The following ATXN7 variants were observed in gnomAD, a reference collection of about 807,000 sequenced individuals.
The protein encoded by ATXN7 is ataxin-7.
A neutral mutation model predicts 70.5 loss-of-function variants in ATXN7; 12 were observed. The observed-to-expected ratio is 0.17, with a 90% CI of 0.11 to 0.28. The LOEUF (loss-of-function observed/expected upper bound fraction) is 0.28, where lower values mean the gene tolerates loss of function less well. ATXN7 is among the 10% of genes least tolerant of loss of function. The probability of loss-of-function intolerance (pLI) is 1.00; values close to 1 mark genes in which losing one functional copy is unlikely to be tolerated. For missense variants in ATXN7, 1,256 were observed against 1,131.7 expected (o/e 1.11, Z -1.58); for synonymous variants, 498 against 448.7 (o/e 1.11, Z -1.39).
At chr3:63,971,967 T>C (rs2106726434) in intron 5 of ATXN7, among the ~76,000 whole-genome samples, 1 of 152,354 alleles carries the variant, frequency 6.6e-6, no homozygotes, top group East Asian at 1.9e-4. Flanking sequence ...TCTTTATTTC[T>C]AGTTTGCCTC....
chr3:63,952,362 C>T lies in ATXN7; in HGVS notation c.395-17C>T. On this transcript the variant is annotated splice_polypyrimidine_tract_variant and intron_variant, in intron 4 of 12. Transcript: ENST00000674280. ...CAGAACCAGATGAGTGAGTGATGCT[C>T]TGTTTCTGTGTTGCAGACATGCCAA... 1 of 1,585,962 alleles carries T rather than the reference C, an allele frequency of 6.3e-7. No individual in the cohort carries two copies. The highest frequency in any genetic ancestry group is 8.6e-7 in the Non-Finnish European group (1 of 1,162,284).
intron 5 of ATXN7, among the ~76,000 whole-genome samples, chr3:63,964,422 ATCC>A (rs2075185263): frequency 6.6e-6 from 1 of 152,166 alleles, no homozygotes; most frequent in African/African-American, 2.4e-5. Context: ...TGATCTCCCT[ATCC>A]TCTTTGCAGT....
intron 1 of ATXN7, among the ~76,000 whole-genome samples, chr3:63,871,028 G>A (rs1702578179): frequency 6.6e-6 from 1 of 152,136 alleles, no homozygotes; most frequent in East Asian, 1.9e-4. Flanking sequence ...ATTGTGTAAG[G>A]ATGCAGATTT....
chr3:63,875,254 C>T (rs1702715045), intron 1 of ATXN7, among the ~76,000 whole-genome samples: 2 of 152,060 alleles, frequency 1.3e-5, no homozygotes, highest in Non-Finnish European at 2.9e-5. Context: ...TTACACTTAG[C>T]TAATTTTTTG....
At chr3:63,911,060 T>C (rs1324969950) in intron 2 of ATXN7, among the ~76,000 whole-genome samples, 1 of 152,062 alleles carries the variant, frequency 6.6e-6, no homozygotes, top group Non-Finnish European at 1.5e-5. Flanking sequence ...TTCCACTTCC[T>C]CCCCATCTAG....
intron 8 of ATXN7, among the ~76,000 whole-genome samples, chr3:63,984,314 C>T (rs1316215737): frequency 6.6e-6 from 1 of 152,082 alleles, no homozygotes; most frequent in Non-Finnish European, 1.5e-5. Context: ...CACCCCAAGC[C>T]CATCCTTGGA....
At chr3:63,865,921 A>AAAAAG (rs1433684020) in intron 1 of ATXN7, among the ~76,000 whole-genome samples, 1 of 149,756 alleles carries the variant, frequency 6.7e-6, no homozygotes, top group African/African-American at 2.5e-5. Context: ...AAAAAAAAAA[A>AAAAAG]AAAAGAAAGT....
chr3:63,958,468 T>C (rs2075072392), intron 5 of ATXN7, among the ~76,000 whole-genome samples: 1 of 152,170 alleles, frequency 6.6e-6, no homozygotes. Context: ...TTGACAACAT[T>C]TCTCATAGTT....
chr3:63,869,724 T>C (rs946006384), intron 1 of ATXN7, among the ~76,000 whole-genome samples: 3 of 152,214 alleles, frequency 2.0e-5, no homozygotes, highest in Non-Finnish European at 2.9e-5. Context: ...CGCACCCTGC[T>C]AGAGATACTA....
At chr3:63,948,413 A>G (rs181347557) in intron 4 of ATXN7, among the ~76,000 whole-genome samples, 4 of 152,216 alleles carry the variant, frequency 2.6e-5, no homozygotes, top group Non-Finnish European at 5.9e-5. Flanking sequence ...AGACATCTAG[A>G]TGGTAATGTC....
At chr3:63,912,970 T>A in intron 3 of ATXN7, 47 bp downstream of exon 3, 2 of 866,500 alleles carry the variant, frequency 2.3e-6, no homozygotes, top group Admixed American at 4.0e-5. Flanking sequence ...CGCGACCCCC[T>A]CCTCTCTCCT....
intron 5 of ATXN7, chr3:63,967,858 A>G: frequency 2.6e-6 from 4 of 1,532,822 alleles, no homozygotes; most frequent in East Asian, 4.9e-5. Flanking sequence ...GACCCAAATC[A>G]TGATGCAAGC....
Position 63,913,148 on chromosome 3 carries a change from A to G in ATXN7, c.326-9A>G. 2 of 1,612,532 alleles carry G rather than the reference A, an allele frequency of 1.2e-6. No individual in the cohort carries two copies. Among genetic ancestry groups the G allele is most frequent in the Non-Finnish European group, 1.7e-6 (2 of 1,178,932 alleles). On this transcript the variant is annotated splice_polypyrimidine_tract_variant and intron_variant, in intron 3 of 12. Transcript: ENST00000674280. Reference sequence around the variant, plus strand: ...CTCTCCCCTCCTCCTGTGTGTGTATATCTCCTAGGGACAGAATTGGACGAA... The same window carrying G: ...CTCTCCCCTCCTCCTGTGTGTGTATGTCTCCTAGGGACAGAATTGGACGAA...
At chr3:63,919,261 C>CA (rs1444492964) in intron 4 of ATXN7, among the ~76,000 whole-genome samples, 1 of 152,170 alleles carries the variant, frequency 6.6e-6, no homozygotes, top group Admixed American at 6.5e-5. Context: ...ATACAGTGAA[C>CA]AGCAGAGTTG....
At chr3:63,957,211 C>T (rs977749206) in intron 5 of ATXN7, among the ~76,000 whole-genome samples, 4 of 152,170 alleles carry the variant, frequency 2.6e-5, no homozygotes, top group African/African-American at 9.7e-5. Context: ...GTGATATTAC[C>T]TAGGAGAAAT....
chr3:63,899,765 C>T (rs1028761275), intron 2 of ATXN7, among the ~76,000 whole-genome samples: 1 of 152,132 alleles, frequency 6.6e-6, no homozygotes. Flanking sequence ...AGGCGCCTGC[C>T]GCCACGCCCG....
At chr3:63,972,534 A>C (rs1439197436) in intron 5 of ATXN7, among the ~76,000 whole-genome samples, 1 of 152,228 alleles carries the variant, frequency 6.6e-6, no homozygotes, top group Admixed American at 6.5e-5. Flanking sequence ...AAATCTGCCC[A>C]AAATTTCCAC....
intron 4 of ATXN7, among the ~76,000 whole-genome samples, chr3:63,919,022 A>G (rs556447504): frequency 7.1e-6 from 1 of 141,372 alleles, no homozygotes; most frequent in South Asian, 2.2e-4. Context: ...AGGTGCAGGA[A>G]CCCCCAGAGA....
intron 1 of ATXN7, among the ~76,000 whole-genome samples, chr3:63,894,933 G>A (rs143883839): frequency 6.6e-6 from 1 of 151,958 alleles, no homozygotes; most frequent in East Asian, 1.9e-4. Flanking sequence ...AAGGTTTCAG[G>A]TTGTTTTTTT....
Sources: gnomAD v4.1 joint callset for allele counts (sites outside exome capture counted in the v4.1 genomes callset) on GRCh38, gnomAD v4.1.1 for gene constraint, MANE v1.5 for transcripts, NCBI Gene and HGNC (gene_info 2026-07-23, HGNC 2026-07-21) for gene names.